The following ZNF536 variants were observed in gnomAD, a reference collection of about 807,000 sequenced individuals.
ZNF536 encodes zinc finger protein 536.
Under a neutral mutation model 84.5 loss-of-function variants are expected in ZNF536, and 13 were observed. That is an observed-to-expected ratio of 0.15 (90% CI 0.10 to 0.24). The LOEUF is 0.24. ZNF536 is among the 10% of genes least tolerant of loss of function. The probability of loss-of-function intolerance (pLI) is 1.00; values close to 1 mark genes in which losing one functional copy is unlikely to be tolerated. For missense variants in ZNF536, 1,536 were observed against 1,747.5 expected (o/e 0.88, Z 2.16); for synonymous variants, 811 against 742.5 (o/e 1.09, Z -1.50).
At chr19:30,498,679 G>T (rs1006393096) in intron 2 of ZNF536, among the ~76,000 whole-genome samples, 2 of 152,136 alleles carry the variant, frequency 1.3e-5, no homozygotes, top group African/African-American at 4.8e-5. Context: ...AGACAGAGAG[G>T]AATGCATTAA....
chr19:30,392,535 G>A (rs1395829088), intron 1 of ZNF536, among the ~76,000 whole-genome samples: 1 of 152,124 alleles, frequency 6.6e-6, no homozygotes, highest in Non-Finnish European at 1.5e-5. Context: ...TGAATGCCAC[G>A]GCCTCCCAAC....
In ZNF536 at chr19:30,312,964, C is replaced by T. The variant is rs140896768; in HGVS notation, c.-120+28823C>T. 4.4e-3 allele frequency among the ~76,000 whole-genome samples: 669 copies of T among 152,358 alleles called. 12 individuals carry two copies. Among genetic ancestry groups the T allele is most frequent in the African/African-American group, 0.015 (642 of 41,582 alleles). On this transcript the variant is annotated intron_variant, in intron 2 of 5. Coordinates refer to the ZNF536 transcript ENST00000585628. ...GGCAGGGCCTGCTTCAGTCCCCAGA[C>T]ATCATGATGGCCACACTTCCCATAC...
chr19:30,526,197 C>T (rs2044567204), intron 2 of ZNF536, among the ~76,000 whole-genome samples: 1 of 152,230 alleles, frequency 6.6e-6, no homozygotes, highest in Non-Finnish European at 1.5e-5. Context: ...CAGGTCAATT[C>T]TGTGAATCCC....
chr19:30,464,251 G>A (rs1414244612), intron 2 of ZNF536, among the ~76,000 whole-genome samples: 1 of 152,184 alleles, frequency 6.6e-6, no homozygotes, highest in African/African-American at 2.4e-5. Flanking sequence ...GGCGATGGGG[G>A]TGGAAGTGAG....
intron 3 of ZNF536, among the ~76,000 whole-genome samples, chr19:30,535,979 C>A (rs2045060567): frequency 6.6e-6 from 1 of 152,124 alleles, no homozygotes. Context: ...CTGGTCCCCA[C>A]AAATCTCCCT....
intron 1 of ZNF536, among the ~76,000 whole-genome samples, chr19:30,404,019 C>CTTTTTTTTTT (rs11336660): frequency 8.1e-6 from 1 of 123,370 alleles, no homozygotes; most frequent in Non-Finnish European, 1.6e-5. Flanking sequence ...TTCCTTTCCT[C>CTTTTTTTTTT]TTTTTTTTTT....
chr19:30,460,966 C>T (rs1034465991), intron 2 of ZNF536, among the ~76,000 whole-genome samples: 1 of 152,202 alleles, frequency 6.6e-6, no homozygotes, highest in Non-Finnish European at 1.5e-5. Flanking sequence ...TGCCTGCCCC[C>T]CAAACCTACA....
At chr19:30,234,632 C>T (rs1469961278) in intron 1 of ZNF536, among the ~76,000 whole-genome samples, 1 of 151,946 alleles carries the variant, frequency 6.6e-6, no homozygotes, top group African/African-American at 2.4e-5. Context: ...AAACTCCTGA[C>T]CTCAGGTGAT....
intron 2 of ZNF536, among the ~76,000 whole-genome samples, chr19:30,449,869 C>T (rs1166309560): frequency 6.6e-6 from 1 of 152,142 alleles, no homozygotes; most frequent in Non-Finnish European, 1.5e-5. Context: ...AGGCCTTTAT[C>T]TGGGGCGCTT....
chr19:30,667,456 G>A (rs149618399), intron 1 of ZNF536, among the ~76,000 whole-genome samples: 156 of 152,116 alleles, frequency 1.0e-3, no homozygotes, highest in East Asian at 6.6e-3. Context: ...GTGTCCATCC[G>A]GGAGGCCTCC....
At chr19:30,627,924 G>T (rs538175076) in intron 1 of ZNF536, among the ~76,000 whole-genome samples, 1 of 152,278 alleles carries the variant, frequency 6.6e-6, no homozygotes, top group South Asian at 2.1e-4. Flanking sequence ...CCCAGGGCTG[G>T]GTGGCTCCGG....
At chr19:30,251,520 G>A (rs2024610289) in intron 1 of ZNF536, among the ~76,000 whole-genome samples, 1 of 152,186 alleles carries the variant, frequency 6.6e-6, no homozygotes, top group South Asian at 2.1e-4. Context: ...GTTGCTGCCT[G>A]TTCAAGGCAT....
intron 1 of ZNF536, among the ~76,000 whole-genome samples, chr19:30,689,025 G>A (rs56884067): frequency 0.019 from 2,917 of 152,326 alleles, 82 homozygotes; most frequent in African/African-American, 0.066. Context: ...CACATTCTGT[G>A]CTGAGCTCTC....
intron 1 of ZNF536, among the ~76,000 whole-genome samples, chr19:30,581,755 G>A (rs760974682): frequency 2.0e-5 from 3 of 151,980 alleles, no homozygotes; most frequent in Non-Finnish European, 4.4e-5. Context: ...GGCCAACATG[G>A]TGAAACCCCA....
At position 30,645,583 on chromosome 19, in the gene ZNF536, G is replaced by C. The variant is rs374454457; in HGVS notation, c.170-65174G>C. On this transcript the variant is annotated intron_variant, in intron 1 of 1. Coordinates refer to the ZNF536 transcript ENST00000592773. ...CAGTGACCTTTTAAATATGGAAACT[G>C]TTGAAGTCACATTTTAATATTAATG... is the stretch of plus-strand genomic sequence containing the variant. Among the ~76,000 whole-genome samples, 4 of 152,308 alleles carry C rather than the reference G, an allele frequency of 2.6e-5. No homozygotes were observed. The East Asian group carries it at 5.8e-4, about 22-fold the overall frequency.
In ZNF536 at chr19:30,444,825, G is replaced by T. The variant is rs146595841; in HGVS notation, c.1263G>T (p.Glu421Asp). The T allele has an allele frequency of 6.2e-7, 1 of 1,613,806 alleles. No individual in the cohort carries two copies. The highest frequency in any genetic ancestry group is 2.2e-5 in the East Asian group (1 of 44,882). Residue 421 changes from glutamate to aspartate, a missense_variant, in exon 2 of 5, where the codon GAG becomes GAT. Transcript: ENST00000355537. ...TGCCCATGGGCGGCATGTCCCAGGA[G>T]GCCCACGCCAACCTGTACTCCAGGT... ...VPVPMGGMSQ[E>D]AHANLYSRYL...
At chr19:30,643,641 C>T (rs7249511) in intron 1 of ZNF536, among the ~76,000 whole-genome samples, 2,225 of 151,990 alleles carry the variant, frequency 0.015, 47 homozygotes, top group African/African-American at 0.05. Context: ...TGCCAGCTAT[C>T]GCAAAGCAAT....
intron 2 of ZNF536, among the ~76,000 whole-genome samples, chr19:30,316,881 C>T (rs909438209): frequency 2.6e-5 from 4 of 152,190 alleles, no homozygotes; most frequent in African/African-American, 9.7e-5. Context: ...AAGATACCCG[C>T]CCTGCCGTGG....
At chr19:30,383,693 T>TTTCTTTC (rs370116292) in intron 1 of ZNF536, among the ~76,000 whole-genome samples, 260 of 11,708 alleles carry the variant, frequency 0.022, 16 homozygotes, top group South Asian at 0.16. Context: ...CCTTCCTTTC[T>TTTCTTTC]TTTCTTTCTC....
Sources: gnomAD v4.1 joint callset for allele counts (sites outside exome capture counted in the v4.1 genomes callset) on GRCh38, gnomAD v4.1.1 for gene constraint, MANE v1.5 for transcripts, NCBI Gene and HGNC (gene_info 2026-07-23, HGNC 2026-07-21) for gene names.